Variants in TRPM5 observed in about 807,000 individuals in gnomAD.
TRPM5 encodes the protein MLSN1 and TRP-related.
TRPM5 carries 121 observed loss-of-function variants against 124.9 expected under a neutral mutation model. The ratio of observed to expected loss-of-function variants is 0.97; its 90% CI spans 0.84 to 1.13. The LOEUF (loss-of-function observed/expected upper bound fraction) is 1.13, where lower values mean the gene tolerates loss of function less well. Ranked by LOEUF, TRPM5 falls within the 50% of genes most tolerant of loss-of-function variation. The pLI is 0.00. For missense variants in TRPM5, 1,643 were observed against 1,589.1 expected (o/e 1.03, Z -0.58); for synonymous variants, 781 against 700.5 (o/e 1.11, Z -1.81).
At position 2,412,821 on chromosome 11, in the gene TRPM5, C is replaced by T. The variant is rs1236732950; in HGVS notation, c.2288G>A (p.Gly763Asp). 8.1e-6 allele frequency: 13 copies of T among 1,604,384 alleles called. No homozygotes were observed. The East Asian group carries it at 2.5e-4, about 30-fold the overall frequency. ...GAGGGTGACCTCGGGCCCTGAGGGG[C>T]CCTGGGGGGGCGGCCTGAAGTCCAC... The change falls in exon 15 of 24, where the codon GGC becomes GAC. Residue 763 changes from glycine (G) to aspartate (D), a missense_variant. By Grantham distance (94) the Gly-to-Asp change is moderately conservative. Transcript: ENST00000155858.
intron 2 of TRPM5, among the ~76,000 whole-genome samples, chr11:2,421,897 C>T (rs1174715003): frequency 6.6e-6 from 1 of 152,132 alleles, no homozygotes; most frequent in Non-Finnish European, 1.5e-5. Flanking sequence ...GGCACTGCTG[C>T]ACCTGTGGGT....
At chr11:2,423,077 G>T (rs1845795675), upstream of TRPM5, 4 of 1,527,464 alleles carry the variant, frequency 2.6e-6, no homozygotes, top group South Asian at 1.2e-5. Flanking sequence ...GCCCTTGAGG[G>T]CTGAGAAGGC....
rs560257962 is a variant in TRPM5, at chr11:2,419,222, G to A, written c.650-631C>T. 2.0e-5 allele frequency among the ~76,000 whole-genome samples: 3 copies of A among 152,276 alleles called. No homozygotes were observed. The East Asian group carries it at 5.8e-4, about 29-fold the overall frequency. ...AGGATAAATCAGGCCTGGCCAAACG[G>A]TGCCCGGGCCAGCAGGGCTTCCGCA... On this transcript the variant is annotated intron_variant, in intron 4 of 23. Coordinates refer to ENST00000155858, the Ensembl canonical transcript of TRPM5.
intron 11 of TRPM5, 146 bp from the exon 17 acceptor site, chr11:2,414,352 C>CA: frequency 8.6e-7 from 1 of 1,166,876 alleles, no homozygotes; most frequent in Non-Finnish European, 1.2e-6. Flanking sequence ...CTTCTGCCCC[C>CA]TCCGGCCTGC....
chr11:2,413,608 G>A lies in TRPM5; in HGVS notation c.1891-20C>T, dbSNP rs759844022. The A allele has an allele frequency of 6.2e-7, 1 of 1,604,226 alleles. No homozygotes were observed. Among genetic ancestry groups the A allele is most frequent in the South Asian group, 1.1e-5 (1 of 90,214 alleles). On this transcript the variant is annotated intron_variant, in intron 12 of 23. Transcript: ENST00000155858. ...GAAGGCCTGAGGTGAAGGCAAAACT[G>A]TCGGCTCCAACTCTGCACCTTTGCC...
exon 21 of TRPM5, chr11:2,406,681 C>G (rs756275726): frequency 1.2e-6 from 2 of 1,612,352 alleles, no homozygotes; most frequent in South Asian, 2.2e-5. Flanking sequence ...TTTTCCGCAG[C>G]ACCTCCCCCT....
intron 15 of TRPM5, 92 bp from the exon 21 acceptor site, chr11:2,412,345 G>C: frequency 1.0e-6 from 1 of 999,980 alleles, no homozygotes; most frequent in Admixed American, 1.8e-5. Context: ...GTAAGGATCA[G>C]GGTTCCATCT....
At chr11:2,415,433 G>A in exon 9 of TRPM5, 1 of 1,588,322 alleles carries the variant, frequency 6.3e-7, no homozygotes, top group Non-Finnish European at 8.5e-7. Context: ...GCTTGTTGCT[G>A]ACCAGGGCGT....
At position 2,413,955 on chromosome 11, in the gene TRPM5, G is replaced by T. The variant is rs11602077; in HGVS notation, c.1890+106C>A. The T allele has an allele frequency of 1.3e-5, 19 of 1,456,232 alleles. No homozygotes were observed. In the African/African-American group the frequency reaches 2.4e-4, roughly 18 times the overall value. 90.2% of individuals were successfully genotyped at this position (1,456,232 alleles called of 1,614,324 possible). On this transcript the variant is annotated intron_variant, in intron 12 of 23. Coordinates refer to ENST00000155858, the Ensembl canonical transcript of TRPM5. The stretch of plus-strand genomic sequence containing the variant: ...ACCCCGCCCCCTCTGTGCTGAGGAC[G>T]GGAGTGACAGGGCAGCTGCAGGCTG...
intron 18 of TRPM5, among the ~76,000 whole-genome samples, chr11:2,410,092 C>T (rs534018633): frequency 4.1e-4 from 62 of 152,278 alleles, no homozygotes; most frequent in Non-Finnish European, 7.8e-4. Context: ...ATGGTGAGGG[C>T]GAGGTGGGGT....
chr11:2,425,202 C>CG (rs1334466825), upstream of TRPM5, among the ~76,000 whole-genome samples: 9 of 152,136 alleles, frequency 5.9e-5, no homozygotes, highest in Non-Finnish European at 1.0e-4. Flanking sequence ...GCCACACTCT[C>CG]GGGGGCTCAA....
At chr11:2,413,167 G>GTGTCGAGGC in exon 14 of TRPM5, 2 of 1,553,124 alleles carry the variant, frequency 1.3e-6, no homozygotes, top group Non-Finnish European at 1.7e-6. Context: ...GCTCTTCTCC[G>GTGTCGAGGC]TGTCCAGGCT....
rs772276519 is a variant in TRPM5, at chr11:2,415,202, G to A, written c.1398C>T (p.Val466=). 2.0e-5 allele frequency: 32 copies of A among 1,583,010 alleles called. No homozygotes were observed. The East Asian group carries it at 6.9e-4, about 34-fold the overall frequency. Residue 466 remains valine (V), a synonymous_variant, in exon 9 of 24, where the codon GTC becomes GTT. Transcript: ENST00000155858. ...GCAGGAAGTCCTTGAGTACGCGGGA[G>A]ACCTCGTGCAGGGAGAAGGCCGGTG...
At chr11:2,407,944 CG>C (rs748405354) in intron 18 of TRPM5, 32 bp from the exon 24 acceptor site, 5 of 1,605,984 alleles carry the variant, frequency 3.1e-6, no homozygotes, top group Non-Finnish European at 1.7e-6. Flanking sequence ...GGGACCAGAC[CG>C]GGGGCAGCCA....
chr11:2,418,431 C>A, intron 5 of TRPM5, 73 bp from the exon 11 acceptor site: 3 of 1,494,786 alleles, frequency 2.0e-6, no homozygotes, highest in Non-Finnish European at 1.8e-6. Flanking sequence ...GTCAGGGGTG[C>A]CCCCATCCCT....
At chr11:2,423,856 A>G (rs191917951), upstream of TRPM5, among the ~76,000 whole-genome samples, 1 of 152,150 alleles carries the variant, frequency 6.6e-6, no homozygotes, top group Non-Finnish European at 1.5e-5. Context: ...GCCCCTGCCC[A>G]CAGCCTCATC....
At chr11:2,436,235 G>A in the TRPM5 span, among the ~76,000 whole-genome samples, 1 of 152,226 alleles carries the variant, frequency 6.6e-6, no homozygotes, top group Non-Finnish European at 1.5e-5. Context: ...CTGCTCAGCC[G>A]CCACCTCACA....
intron 21 of TRPM5, among the ~76,000 whole-genome samples, chr11:2,406,453 G>T (rs1448274104): frequency 6.6e-6 from 1 of 152,160 alleles, no homozygotes; most frequent in Non-Finnish European, 1.5e-5. Flanking sequence ...CGGTCACTGT[G>T]CACGCTCCCT....
rs866145717 is a variant in TRPM5 at position 2,413,954 on chromosome 11, C to T, written c.1890+107G>A. ...CACCCCGCCCCCTCTGTGCTGAGGA[C>T]GGGAGTGACAGGGCAGCTGCAGGCT... On this transcript the variant is annotated intron_variant, in intron 12 of 23. Transcript: ENST00000155858. 4.8e-6 allele frequency: 7 copies of T among 1,455,452 alleles called. 1 individual carries two copies. Among genetic ancestry groups the T allele is most frequent in the African/African-American group, 2.8e-5 (2 of 71,084 alleles). The allele number at this position is 1,455,452 out of a possible 1,614,324, so 90.2% of individuals were successfully genotyped here. A position where few individuals can be genotyped will look rare whatever the true frequency, so the allele number is the denominator to read the frequency against.
Sources: allele counts gnomAD v4.1 joint callset (sites outside exome capture counted in the v4.1 genomes callset), GRCh38; gene constraint gnomAD v4.1.1; transcripts MANE v1.5; gene names NCBI Gene and HGNC (gene_info 2026-07-23, HGNC 2026-07-21).